The following RIMOC1 variants were observed in gnomAD, a reference collection of about 807,000 sequenced individuals.
The protein encoded by RIMOC1 is RAB7A interacting MON1-CCZ1 complex subunit 1.
At chr5:41,919,948 A>T in the RIMOC1 span, 2 of 152,100 alleles carry the variant, frequency 1.3e-5, no homozygotes, top group Non-Finnish European at 2.9e-5. Context: ...GCCCTTAGTA[A>T]TGTTTTTGAA....
At chr5:41,909,393 G>T in the RIMOC1 span, among the ~76,000 whole-genome samples, 1 of 151,980 alleles carries the variant, frequency 6.6e-6, no homozygotes, top group South Asian at 2.1e-4. Flanking sequence ...GATACAGCAG[G>T]CATTTAGAAA....
At chr5:41,911,043 T>G in the RIMOC1 span, 1 of 1,608,968 alleles carries the variant, frequency 6.2e-7, no homozygotes, top group South Asian at 1.1e-5. Flanking sequence ...TTTTGTGTGT[T>G]TCAGCACTGC....
the RIMOC1 span, chr5:41,910,968 A>C: frequency 2.0e-6 from 3 of 1,509,398 alleles, no homozygotes; most frequent in Non-Finnish European, 2.7e-6. Flanking sequence ...TTTTTAATCG[A>C]TGAGTTTTTG....
the RIMOC1 span, among the ~76,000 whole-genome samples, chr5:41,913,886 T>G: frequency 6.6e-6 from 1 of 152,210 alleles, no homozygotes; most frequent in Non-Finnish European, 1.5e-5. Flanking sequence ...GGATATTTGA[T>G]GTAATTATGG....
the RIMOC1 span, chr5:41,904,402 T>C: frequency 1.2e-5 from 20 of 1,613,650 alleles, no homozygotes; most frequent in Non-Finnish European, 1.6e-5. Context: ...GTGAGACGAG[T>C]GGAAGAGCTC....
chr5:41,907,831 C>A, the RIMOC1 span: 1 of 1,601,072 alleles, frequency 6.2e-7, no homozygotes, highest in Non-Finnish European at 8.5e-7. Context: ...TCTTCTAGAA[C>A]TTTACACACA....
chr5:41,912,948 A>G, the RIMOC1 span, among the ~76,000 whole-genome samples: 2 of 152,226 alleles, frequency 1.3e-5, no homozygotes, highest in African/African-American at 4.8e-5. Flanking sequence ...CCATCTCATC[A>G]TGTTCTTACC....
At chr5:41,921,446 T>A in the RIMOC1 span, 2 of 151,578 alleles carry the variant, frequency 1.3e-5, no homozygotes, top group African/African-American at 4.8e-5. Flanking sequence ...TTTTTTTTTT[T>A]AATTTTTAAC....
the RIMOC1 span, chr5:41,917,911 A>C: frequency 4.6e-6 from 4 of 877,444 alleles, no homozygotes; most frequent in Non-Finnish European, 5.5e-6. Context: ...TAAAAATTTA[A>C]AAATTATTTT....
chr5:41,915,198 C>G, the RIMOC1 span, among the ~76,000 whole-genome samples: 1,697 of 152,236 alleles, frequency 0.011, 30 homozygotes, highest in Middle Eastern at 0.034. Context: ...ATGGCCTTAT[C>G]AGATAAAAGG....
the RIMOC1 span, among the ~76,000 whole-genome samples, chr5:41,906,795 T>A: frequency 1.3e-5 from 2 of 152,302 alleles, no homozygotes; most frequent in Non-Finnish European, 2.9e-5. Context: ...TCTGTGTAAC[T>A]CCTGAGGCTG....
chr5:41,914,800 A>C, the RIMOC1 span, among the ~76,000 whole-genome samples: 1 of 152,050 alleles, frequency 6.6e-6, no homozygotes, highest in East Asian at 1.9e-4. Flanking sequence ...GCTTTGCCCA[A>C]ATGTATCTAT....
the RIMOC1 span, chr5:41,907,704 T>G: frequency 2.2e-6 from 3 of 1,355,950 alleles, no homozygotes; most frequent in South Asian, 3.8e-5. Context: ...TGAAACTAGG[T>G]GAAGTAATCC....
the RIMOC1 span, chr5:41,909,691 GTT>G: frequency 7.9e-7 from 1 of 1,270,034 alleles, no homozygotes. Flanking sequence ...TGTAAGAATT[GTT>G]TTTTTTCAAT....
At chr5:41,912,074 T>A in the RIMOC1 span, 1 of 1,587,404 alleles carries the variant, frequency 6.3e-7, no homozygotes, top group Non-Finnish European at 8.6e-7. Flanking sequence ...TTTAGTACCT[T>A]CTTGATGGAA....
the RIMOC1 span, chr5:41,917,229 T>G: frequency 6.2e-7 from 1 of 1,613,640 alleles, no homozygotes; most frequent in South Asian, 1.1e-5. Context: ...GAAGGACCCC[T>G]GAAAGAACAA....
At chr5:41,911,250 C>G in the RIMOC1 span, 2 of 1,449,570 alleles carry the variant, frequency 1.4e-6, no homozygotes, top group Non-Finnish European at 1.9e-6. Context: ...CTTTGTTGTA[C>G]TACTAAGAGT....
At chr5:41,920,835 C>T in the RIMOC1 span, 1 of 152,158 alleles carries the variant, frequency 6.6e-6, no homozygotes, top group Non-Finnish European at 1.5e-5. Context: ...TTTCTCTCCC[C>T]TATGGATTTT....
chr5:41,914,457 A>AAAC, the RIMOC1 span, among the ~76,000 whole-genome samples: 2 of 14,908 alleles, frequency 1.3e-4, no homozygotes, highest in Non-Finnish European at 4.8e-4. Context: ...ACTCTGTCTC[A>AAAC]AACAAAACAA....
Sources: allele counts gnomAD v4.1 joint callset (sites outside exome capture counted in the v4.1 genomes callset), GRCh38; gene constraint gnomAD v4.1.1; transcripts MANE v1.5; gene names NCBI Gene and HGNC (gene_info 2026-07-23, HGNC 2026-07-21).